Variants in ASXL3 observed in about 807,000 individuals in gnomAD.
ASXL3 encodes putative Polycomb group protein ASXL3.
A neutral mutation model predicts 170.6 loss-of-function variants in ASXL3; 34 were observed. The ratio of observed to expected loss-of-function variants is 0.20; its 90% CI spans 0.15 to 0.27. The LOEUF (loss-of-function observed/expected upper bound fraction) is 0.27, where lower values mean the gene tolerates loss of function less well. ASXL3 is among the 10% of genes least tolerant of loss of function. ASXL3 has a pLI of 1.00. For missense variants in ASXL3, 2,592 were observed against 2,695.3 expected (o/e 0.96, Z 0.85); for synonymous variants, 1,002 against 989.1 (o/e 1.01, Z -0.24).
At chr18:33,700,808 C>T (rs2066860783) in intron 8 of ASXL3, among the ~76,000 whole-genome samples, 1 of 152,072 alleles carries the variant, frequency 6.6e-6, no homozygotes, top group East Asian at 1.9e-4. Context: ...ATCTTGTTGA[C>T]ATGATGGACC....
chr18:33,737,328 C>G (rs1030600903), intron 10 of ASXL3, among the ~76,000 whole-genome samples: 4 of 152,136 alleles, frequency 2.6e-5, no homozygotes, highest in Non-Finnish European at 4.4e-5. Flanking sequence ...GTATTGTTTG[C>G]ATCAATGTTA....
chr18:33,638,815 A>T (rs9967484), intron 2 of ASXL3, among the ~76,000 whole-genome samples: 5,435 of 152,224 alleles, frequency 0.036, 318 homozygotes, highest in African/African-American at 0.12. Context: ...AAGCCCAGGC[A>T]CATTATAGAT....
intron 8 of ASXL3, among the ~76,000 whole-genome samples, chr18:33,713,195 T>C (rs2067098383): frequency 7.0e-6 from 1 of 142,576 alleles, no homozygotes; most frequent in South Asian, 2.3e-4. Context: ...AGGGGGAGAA[T>C]ACAGAGAGGC....
At chr18:33,606,397 A>C (rs917210266) in intron 1 of ASXL3, among the ~76,000 whole-genome samples, 6 of 151,956 alleles carry the variant, frequency 3.9e-5, no homozygotes, top group African/African-American at 7.2e-5. Context: ...TGGGAACTAG[A>C]AAGAGAGAAT....
At chr18:33,732,994 T>C (rs1284060739) in intron 9 of ASXL3, among the ~76,000 whole-genome samples, 1 of 152,224 alleles carries the variant, frequency 6.6e-6, no homozygotes, top group African/African-American at 2.4e-5. Context: ...CGTTAGATTT[T>C]AAAAACAGAT....
At chr18:33,708,187 A>G (rs1179556373) in intron 8 of ASXL3, among the ~76,000 whole-genome samples, 1 of 152,178 alleles carries the variant, frequency 6.6e-6, no homozygotes, top group Non-Finnish European at 1.5e-5. Context: ...TGTAAGATTT[A>G]TATCTTTTCA....
intron 1 of ASXL3, among the ~76,000 whole-genome samples, chr18:33,587,165 A>G (rs1375390036): frequency 1.3e-5 from 2 of 152,212 alleles, no homozygotes; most frequent in Non-Finnish European, 2.9e-5. Context: ...CCAGGCCGTA[A>G]GAAGCCCTTT....
At chr18:33,663,753 A>G (rs1006797323) in intron 5 of ASXL3, among the ~76,000 whole-genome samples, 2 of 152,170 alleles carry the variant, frequency 1.3e-5, no homozygotes, top group Admixed American at 1.3e-4. Context: ...AAGAAAAGCT[A>G]TTCTTGCAGA....
rs762498385 is a variant in ASXL3, at chr18:33,742,961, C to A, written c.3113C>A (p.Ser1038Tyr). The change falls in exon 12 of 12, where the codon TCC (serine) becomes TAC (tyrosine). Residue 1038 changes from serine (S) to tyrosine (Y), a missense_variant. By Grantham distance (144) the Ser-to-Tyr change is moderately radical. This residue lies in a region of ASXL3 where 2,246 missense variants were observed against 2,219.6 expected (regional missense o/e 1.01). Transcript: ENST00000269197. The stretch of plus-strand genomic sequence containing the variant: ...GTCTCCAAACCTGAGTCTCGAGCAT[C>A]CACTAGCACATCTGTCAGTGGCGGG... ...QPVSKPESRASTSTSVSGGRN... is the reference protein window; with the variant it reads ...QPVSKPESRAYTSTSVSGGRN... The A allele has an allele frequency of 3.7e-6, 6 of 1,613,756 alleles. No homozygotes were observed. Among genetic ancestry groups the A allele is most frequent in the Admixed American group, 3.3e-5 (2 of 59,986 alleles).
intron 8 of ASXL3, among the ~76,000 whole-genome samples, chr18:33,704,179 G>A (rs561959186): frequency 1.7e-4 from 26 of 151,926 alleles, no homozygotes; most frequent in Non-Finnish European, 3.5e-4. Context: ...TCATATTAAC[G>A]TCTTATTTCT....
chr18:33,680,516 A>G (rs2066498302), intron 7 of ASXL3, among the ~76,000 whole-genome samples: 1 of 152,056 alleles, frequency 6.6e-6, no homozygotes, highest in African/African-American at 2.4e-5. Context: ...CCTTAAGACA[A>G]TTATTTTGAT....
intron 1 of ASXL3, among the ~76,000 whole-genome samples, chr18:33,581,309 G>A (rs2064990026): frequency 6.6e-6 from 1 of 151,972 alleles, no homozygotes; most frequent in Non-Finnish European, 1.5e-5. Flanking sequence ...TATTAAATGA[G>A]GTGCCTGATT....
intron 4 of ASXL3, among the ~76,000 whole-genome samples, chr18:33,647,361 A>G (rs1306943804): frequency 6.6e-6 from 1 of 152,092 alleles, no homozygotes; most frequent in Non-Finnish European, 1.5e-5. Flanking sequence ...GGAAAAACAC[A>G]GTTTATTGCC....
chr18:33,653,512 C>T (rs183520822), intron 4 of ASXL3, among the ~76,000 whole-genome samples: 48 of 152,200 alleles, frequency 3.2e-4, no homozygotes, highest in African/African-American at 8.9e-4. Context: ...GAAGAAAACA[C>T]AGAGGAAAGC....
chr18:33,595,220 A>G (rs2065115088), intron 1 of ASXL3, among the ~76,000 whole-genome samples: 1 of 152,166 alleles, frequency 6.6e-6, no homozygotes, highest in African/African-American at 2.4e-5. Flanking sequence ...GTGGACTCCC[A>G]TTGTTGTAAA....
At chr18:33,707,415 A>G (rs2066978946) in intron 8 of ASXL3, among the ~76,000 whole-genome samples, 1 of 151,936 alleles carries the variant, frequency 6.6e-6, no homozygotes, top group South Asian at 2.1e-4. Context: ...TAGTTCCCTT[A>G]GGAAAGGTAG....
intron 1 of ASXL3, among the ~76,000 whole-genome samples, chr18:33,583,100 T>C (rs1428769168): frequency 6.6e-6 from 1 of 152,192 alleles, no homozygotes; most frequent in Non-Finnish European, 1.5e-5. Flanking sequence ...AATTGTGTAA[T>C]TTACTGGTTG....
At chr18:33,609,398 C>T (rs2065300037) in intron 2 of ASXL3, among the ~76,000 whole-genome samples, 1 of 151,896 alleles carries the variant, frequency 6.6e-6, no homozygotes, top group Non-Finnish European at 1.5e-5. Context: ...TATTCTTCTC[C>T]ACAGGAATGA....
intron 8 of ASXL3, among the ~76,000 whole-genome samples, chr18:33,722,663 C>G (rs2067283193): frequency 6.6e-6 from 1 of 152,086 alleles, no homozygotes; most frequent in African/African-American, 2.4e-5. Flanking sequence ...ACGGCAGTGG[C>G]TGATGTAGAA....
Sources: allele counts gnomAD v4.1 joint callset (sites outside exome capture counted in the v4.1 genomes callset), GRCh38; gene constraint gnomAD v4.1.1; regional missense constraint gnomAD v4.1.1; transcripts MANE v1.5; gene names NCBI Gene and HGNC (gene_info 2026-07-23, HGNC 2026-07-21).